The following GPHN variants were observed in gnomAD, a reference collection of about 807,000 sequenced individuals.
The protein encoded by GPHN is gephyrin.
A neutral mutation model predicts 95.5 loss-of-function variants in GPHN; 17 were observed. The ratio of observed to expected loss-of-function variants is 0.18; its 90% confidence interval spans 0.12 to 0.27. The LOEUF (loss-of-function observed/expected upper bound fraction) is 0.27, where lower values mean the gene tolerates loss of function less well. Among genes scored for constraint, GPHN ranks in the 10% least tolerant of loss-of-function variants. The pLI, the probability that GPHN is intolerant of heterozygous loss-of-function variation, is 1.00. For synonymous variants in GPHN, 320 were observed against 322.5 expected, an observed-to-expected ratio of 0.99 and a Z score of 0.08; for missense variants, 660 against 978.1, an observed-to-expected ratio of 0.67 and a Z score of 4.34.
the GPHN span, among the ~76,000 whole-genome samples, chr14:67,444,108 T>C: frequency 7.1e-4 from 108 of 152,236 alleles, no homozygotes; most frequent in Non-Finnish European, 7.9e-4. Context: ...CATCTTGAGT[T>C]GTCCCAGCTT....
At chr14:67,332,726 A>C in the GPHN span, 1 of 1,536,022 alleles carries the variant, frequency 6.5e-7, no homozygotes, top group Non-Finnish European at 8.8e-7. Context: ...GACTCATCCT[A>C]TATTATTTGG....
the GPHN span, chr14:67,470,652 G>C: frequency 6.5e-6 from 1 of 152,770 alleles, no homozygotes; most frequent in African/African-American, 2.4e-5. Flanking sequence ...CAGGACAAAA[G>C]GGCTTCATGG....
chr14:66,570,148 T>G (rs1180087136), intron 1 of GPHN, among the ~76,000 whole-genome samples: 1 of 152,178 alleles, frequency 6.6e-6, no homozygotes, highest in Non-Finnish European at 1.5e-5. Context: ...TTGAATAGTC[T>G]TCCAATGTAT....
chr14:67,644,891 G>A, the GPHN span, among the ~76,000 whole-genome samples: 3 of 151,896 alleles, frequency 2.0e-5, no homozygotes, highest in African/African-American at 4.8e-5. Context: ...CCAATTACTC[G>A]GGAGGCTGAG....
chr14:67,225,280 A>G, the GPHN span: 1 of 1,464,712 alleles, frequency 6.8e-7, no homozygotes, highest in Non-Finnish European at 9.0e-7. Flanking sequence ...CTTTTTAATT[A>G]TAAGTCTCTA....
chr14:67,239,167 TTG>T, the GPHN span, among the ~76,000 whole-genome samples: 2 of 152,078 alleles, frequency 1.3e-5, no homozygotes, highest in Non-Finnish European at 2.9e-5. Context: ...GAGGCTTTTT[TTG>T]TGTGTGTGTT....
chr14:67,142,215 A>T (rs985729294), intron 17 of GPHN, among the ~76,000 whole-genome samples: 1 of 152,096 alleles, frequency 6.6e-6, no homozygotes, highest in Non-Finnish European at 1.5e-5. Flanking sequence ...CTAGATATAT[A>T]CTCCTCAAAA....
At chr14:66,648,810 C>T (rs538452641) in intron 1 of GPHN, among the ~76,000 whole-genome samples, 28 of 152,216 alleles carry the variant, frequency 1.8e-4, no homozygotes, top group African/African-American at 6.3e-4. Context: ...TTAAAGTGGG[C>T]TTAAAAACAA....
At chr14:67,110,506 T>C (rs1385783174) in intron 14 of GPHN, among the ~76,000 whole-genome samples, 1 of 152,164 alleles carries the variant, frequency 6.6e-6, no homozygotes. Context: ...AGAATTTGAA[T>C]CATATTTGAC....
chr14:67,064,763 T>A (rs2075974268), intron 11 of GPHN, among the ~76,000 whole-genome samples: 1 of 152,234 alleles, frequency 6.6e-6, no homozygotes, highest in Non-Finnish European at 1.5e-5. Context: ...TGTATTTCTG[T>A]GGGATCAGTG....
At chr14:66,649,335 T>TA (rs796575144) in intron 1 of GPHN, among the ~76,000 whole-genome samples, 186 of 143,298 alleles carry the variant, frequency 1.3e-3, no homozygotes, top group Admixed American at 1.7e-3. Flanking sequence ...CTCCATCTCT[T>TA]AAAAAAAAAA....
At chr14:67,680,218 C>T in the GPHN span, among the ~76,000 whole-genome samples, 2 of 152,220 alleles carry the variant, frequency 1.3e-5, no homozygotes, top group African/African-American at 4.8e-5. Context: ...CAAGTCTTAT[C>T]AGTACTTCTG....
chr14:67,117,916 A>T (rs1245212939), intron 16 of GPHN, among the ~76,000 whole-genome samples: 1 of 152,192 alleles, frequency 6.6e-6, no homozygotes, highest in Non-Finnish European at 1.5e-5. Flanking sequence ...AACCAATAAT[A>T]TAACTGGTGG....
At chr14:66,919,786 G>A (rs1406715400) in intron 6 of GPHN, among the ~76,000 whole-genome samples, 1 of 152,022 alleles carries the variant, frequency 6.6e-6, no homozygotes, top group Non-Finnish European at 1.5e-5. Context: ...AGTAGATTTG[G>A]CCAGGCGTTG....
chr14:67,327,280 G>A, the GPHN span, among the ~76,000 whole-genome samples: 1 of 152,248 alleles, frequency 6.6e-6, no homozygotes. Flanking sequence ...AAACACCTAG[G>A]AGTAGAATTG....
chr14:67,068,006 G>A (rs576014139), intron 11 of GPHN, among the ~76,000 whole-genome samples: 169 of 152,296 alleles, frequency 1.1e-3, no homozygotes, highest in African/African-American at 3.9e-3. Context: ...TACCTCAGTT[G>A]GAAATGCAGA....
chr14:67,307,475 C>A, the GPHN span, among the ~76,000 whole-genome samples: 2 of 152,148 alleles, frequency 1.3e-5, no homozygotes, highest in African/African-American at 2.4e-5. Flanking sequence ...TTGTTTAATA[C>A]ATATAAGCTA....
chr14:66,570,125 AT>A (rs898009651), intron 1 of GPHN, among the ~76,000 whole-genome samples: 6 of 151,242 alleles, frequency 4.0e-5, no homozygotes, highest in Non-Finnish European at 8.9e-5. Context: ...AGATATATAT[AT>A]TTTTTTTAAG....
chr14:67,021,182 C>A (rs1486201168), intron 9 of GPHN, among the ~76,000 whole-genome samples: 1 of 151,940 alleles, frequency 6.6e-6, no homozygotes, highest in Non-Finnish European at 1.5e-5. Context: ...TTAAATTTTT[C>A]TTTTCTTCAG....
Sources: gnomAD v4.1 joint callset for allele counts (sites outside exome capture counted in the v4.1 genomes callset) on GRCh38, gnomAD v4.1.1 for gene constraint, MANE v1.5 for transcripts, NCBI Gene and HGNC (gene_info 2026-07-23, HGNC 2026-07-21) for gene names.